The following B4GALT6 variants were observed in gnomAD, a reference collection of about 807,000 sequenced individuals.
The protein encoded by B4GALT6 is UDP-Gal:beta-GlcNAc beta-1,4-galactosyltransferase 6.
In B4GALT6, 14 loss-of-function variants were observed where a neutral mutation model predicts 46.3. The observed-to-expected ratio is 0.30, with a 90% CI of 0.20 to 0.47. The LOEUF (loss-of-function observed/expected upper bound fraction) is 0.47, where lower values mean the gene tolerates loss of function less well. Among genes scored for constraint, B4GALT6 ranks in the 20% least tolerant of loss-of-function variants. B4GALT6 has a pLI of 0.99. For synonymous variants in B4GALT6, 168 were observed against 162.0 expected, an observed-to-expected ratio of 1.04 and a Z score of -0.28; for missense variants, 386 against 480.1, an observed-to-expected ratio of 0.80 and a Z score of 1.83.
At chr18:31,692,381 C>T in the B4GALT6 span, among the ~76,000 whole-genome samples, 1 of 152,132 alleles carries the variant, frequency 6.6e-6, no homozygotes, top group Non-Finnish European at 1.5e-5. Context: ...ATAGTCAACC[C>T]GATTTTACTG....
chr18:31,721,971 G>C, the B4GALT6 span, among the ~76,000 whole-genome samples: 1 of 151,916 alleles, frequency 6.6e-6, no homozygotes, highest in South Asian at 2.1e-4. Flanking sequence ...TATCTATCAA[G>C]TTGCAAACTC....
the B4GALT6 span, among the ~76,000 whole-genome samples, chr18:31,692,803 T>C: frequency 1.3e-5 from 2 of 152,158 alleles, no homozygotes; most frequent in South Asian, 4.1e-4. Flanking sequence ...GAAAACTCAT[T>C]AGAACTAACA....
chr18:31,695,691 C>G, the B4GALT6 span, among the ~76,000 whole-genome samples: 1 of 152,176 alleles, frequency 6.6e-6, no homozygotes, highest in Non-Finnish European at 1.5e-5. Flanking sequence ...AAAGCTAAGG[C>G]AAAGGTAAAC....
At chr18:31,667,422 A>T (rs546629107) in intron 1 of B4GALT6, among the ~76,000 whole-genome samples, 1 of 152,324 alleles carries the variant, frequency 6.6e-6, no homozygotes, top group East Asian at 1.9e-4. Flanking sequence ...CTCTCCAAAG[A>T]TGAATGCTGA....
chr18:31,684,730 G>A, upstream of B4GALT6: 1 of 1,119,712 alleles, frequency 8.9e-7, no homozygotes, highest in Non-Finnish European at 1.1e-6. Flanking sequence ...CCGGGGAAGG[G>A]CGAGGAGGAG....
Position 31,666,024 on chromosome 18 carries a change from C to T in B4GALT6, c.232+232G>A, listed in dbSNP as rs1220362171. On this transcript the variant is annotated intron_variant, in intron 2 of 8. Transcript: ENST00000306851. ...GAAGCTGCTTTCTATATTTTGTTTA[C>T]AAGAATTAACTTAAGTGTCTGTACA... Among the ~76,000 whole-genome samples, 4 of 152,270 alleles carry T rather than the reference C, an allele frequency of 2.6e-5. No homozygotes were observed. The East Asian group carries it at 7.7e-4, about 29-fold the overall frequency.
At chr18:31,695,717 G>A in the B4GALT6 span, among the ~76,000 whole-genome samples, 1 of 152,220 alleles carries the variant, frequency 6.6e-6, no homozygotes, top group African/African-American at 2.4e-5. Context: ...AGAAAACTAT[G>A]TCATATGGAG....
upstream of B4GALT6, among the ~76,000 whole-genome samples, chr18:31,688,179 A>G (rs966235047): frequency 6.6e-6 from 1 of 151,480 alleles, no homozygotes; most frequent in Non-Finnish European, 1.5e-5. Flanking sequence ...TATTTATATA[A>G]TTGTAGATCA....
intron 1 of B4GALT6, among the ~76,000 whole-genome samples, chr18:31,679,165 G>GA (rs1567984418): frequency 1.3e-5 from 2 of 152,104 alleles, no homozygotes; most frequent in Admixed American, 6.6e-5. Flanking sequence ...CACTGCTGCA[G>GA]AAAAAAACAC....
At chr18:31,693,812 G>A in the B4GALT6 span, among the ~76,000 whole-genome samples, 1 of 151,852 alleles carries the variant, frequency 6.6e-6, no homozygotes, top group African/African-American at 2.4e-5. Context: ...TATAAAAAAT[G>A]CAAAAATTGC....
In B4GALT6 at chr18:31,623,491, A is replaced by T. The variant is rs2073644744; in HGVS notation, c.*2123T>A. On this transcript the variant is annotated 3_prime_UTR_variant, in exon 9 of 9. Coordinates refer to ENST00000306851, the MANE Select transcript of B4GALT6 (RefSeq NM_004775.5). ...GTTTTCTTGAAACTGTAAAATATAT[A>T]TAAAAATGAAAAGATACCGAATGTG... 6.6e-6 allele frequency: 1 copy of T among 152,450 alleles called. No individual in the cohort carries two copies. The highest frequency in any genetic ancestry group is 1.5e-5 in the Non-Finnish European group (1 of 67,882). 9.4% of individuals were successfully genotyped at this position (152,450 alleles called of 1,614,324 possible).
chr18:31,668,552 G>C (rs541268828), intron 1 of B4GALT6, among the ~76,000 whole-genome samples: 16 of 152,236 alleles, frequency 1.1e-4, no homozygotes, highest in African/African-American at 3.6e-4. Flanking sequence ...AGGTTTGTGG[G>C]TTTTTTGCCA....
the B4GALT6 span, among the ~76,000 whole-genome samples, chr18:31,714,432 C>T: frequency 3.3e-5 from 5 of 152,182 alleles, no homozygotes; most frequent in African/African-American, 1.2e-4. Flanking sequence ...ACAATCCCAC[C>T]TACTCCCCTG....
intron 1 of B4GALT6, among the ~76,000 whole-genome samples, chr18:31,677,313 G>C (rs1378089947): frequency 6.6e-6 from 1 of 152,162 alleles, no homozygotes; most frequent in Non-Finnish European, 1.5e-5. Context: ...TGAGAAGGGG[G>C]TATTGCTGTA....
rs77887727 is a variant in B4GALT6, at chr18:31,660,701, A to G, written c.233-2612T>C. Among the ~76,000 whole-genome samples the G allele has an allele frequency of 2.5e-3, 386 of 152,268 alleles. 4 individuals carry two copies. The highest frequency in any genetic ancestry group is 9.1e-3 in the African/African-American group (380 of 41,560). On this transcript the variant is annotated intron_variant, in intron 2 of 8. Coordinates refer to ENST00000306851, the MANE Select transcript of B4GALT6 (RefSeq NM_004775.5). ...TTGAAAAACGAGAGAGAAATAATAC[A>G]TAATAGGAGTTCCAAAAAGAAAGGA...
the B4GALT6 span, chr18:31,719,244 C>G: frequency 6.6e-6 from 1 of 152,250 alleles, no homozygotes; most frequent in African/African-American, 2.4e-5. Flanking sequence ...AGGGAGAACT[C>G]AGGCTATGCT....
intron 2 of B4GALT6, among the ~76,000 whole-genome samples, chr18:31,665,307 T>C (rs1298207739): frequency 6.6e-6 from 1 of 152,212 alleles, no homozygotes; most frequent in Non-Finnish European, 1.5e-5. Context: ...AACCCTGCCA[T>C]AAACGAGCAT....
At chr18:31,663,442 T>A (rs578005385) in intron 2 of B4GALT6, among the ~76,000 whole-genome samples, 1 of 152,326 alleles carries the variant, frequency 6.6e-6, no homozygotes, top group East Asian at 1.9e-4. Flanking sequence ...GTTTTCATAA[T>A]TTGGCTCTGT....
At chr18:31,634,201 G>A (rs1009531827) in intron 5 of B4GALT6, among the ~76,000 whole-genome samples, 12 of 152,106 alleles carry the variant, frequency 7.9e-5, no homozygotes, top group Admixed American at 5.2e-4. Flanking sequence ...TCAACCCCCC[G>A]GTTTTATGCC....
Sources: gnomAD v4.1 joint callset for allele counts (sites outside exome capture counted in the v4.1 genomes callset) on GRCh38, gnomAD v4.1.1 for gene constraint, MANE v1.5 for transcripts, NCBI Gene and HGNC (gene_info 2026-07-23, HGNC 2026-07-21) for gene names.